SERINC5: variants seen among roughly 807,000 people sequenced by gnomAD.
SERINC5 encodes the protein serine incorporator 5.
SERINC5 carries 41 observed loss-of-function variants against 63.1 expected under a neutral mutation model. The observed-to-expected ratio is 0.65, with a 90% CI of 0.51 to 0.84. The LOEUF (loss-of-function observed/expected upper bound fraction) is 0.84. Ranked by LOEUF, SERINC5 falls within the 40% of genes least tolerant of loss-of-function variation. SERINC5 has a pLI of 0.00. For synonymous variants in SERINC5, 222 were observed against 215.2 expected (o/e 1.03, Z -0.28); for missense variants, 523 against 573.0 (o/e 0.91, Z 0.89).
chr5:80,121,570 A>G (rs1327862975), intron 11 of SERINC5, among the ~76,000 whole-genome samples: 1 of 152,068 alleles, frequency 6.6e-6, no homozygotes, highest in Non-Finnish European at 1.5e-5. Context: ...TATATCATAC[A>G]CTTTTGGGAT....
intron 2 of SERINC5, among the ~76,000 whole-genome samples, chr5:80,188,463 G>A (rs1400903737): frequency 1.3e-5 from 2 of 151,962 alleles, no homozygotes; most frequent in African/African-American, 4.8e-5. Flanking sequence ...CTTCCCTAGA[G>A]GTGCCACTGT....
chr5:80,142,955 C>G lies in SERINC5; in HGVS notation c.*708G>C, dbSNP rs149563545. On this transcript the variant is annotated 3_prime_UTR_variant, in exon 12 of 12. Transcript: ENST00000507668. ...TAGTGATAATAAGGTGGGGAACCAC[C>G]TGGGGGGTGATCAGACAAATTGTGC... 21 of 985,418 alleles carry G rather than the reference C, an allele frequency of 2.1e-5. No homozygotes were observed. In the African/African-American group the frequency reaches 2.4e-4, roughly 11 times the overall value. The allele number at this position is 985,418 out of a possible 1,614,324, so 61.0% of individuals were successfully genotyped here.
intron 1 of SERINC5, among the ~76,000 whole-genome samples, chr5:80,217,100 T>A (rs1049659810): frequency 6.8e-6 from 1 of 146,892 alleles, no homozygotes; most frequent in Non-Finnish European, 1.5e-5. Flanking sequence ...AATTTTTAAT[T>A]TTAATTTTTT....
intron 1 of SERINC5, among the ~76,000 whole-genome samples, chr5:80,232,023 G>T (rs1327676067): frequency 6.8e-6 from 1 of 147,392 alleles, no homozygotes; most frequent in Non-Finnish European, 1.5e-5. Context: ...GATCACTTCA[G>T]CCTGAGGGTT....
chr5:80,164,196 T>C (rs1747120677), intron 7 of SERINC5, among the ~76,000 whole-genome samples: 1 of 152,118 alleles, frequency 6.6e-6, no homozygotes, highest in Admixed American at 6.6e-5. Context: ...TATTGTGATT[T>C]TTCCTTTTTC....
chr5:80,207,565 G>C (rs1045134934), intron 1 of SERINC5, among the ~76,000 whole-genome samples: 1 of 152,080 alleles, frequency 6.6e-6, no homozygotes, highest in East Asian at 1.9e-4. Context: ...AAGCCCTATT[G>C]GTTTAACCCT....
intron 7 of SERINC5, among the ~76,000 whole-genome samples, chr5:80,160,176 G>T (rs927589667): frequency 2.0e-5 from 3 of 152,138 alleles, no homozygotes; most frequent in African/African-American, 7.2e-5. Context: ...TTGGATTGGA[G>T]GACACCCAAC....
chr5:80,200,151 C>G (rs199540121), intron 2 of SERINC5, among the ~76,000 whole-genome samples: 2 of 151,564 alleles, frequency 1.3e-5, no homozygotes, highest in African/African-American at 4.9e-5. Flanking sequence ...GAGCGAGACT[C>G]GTAATTTCTG....
At chr5:80,202,832 A>G (rs1749925348) in intron 2 of SERINC5, 54 bp downstream of exon 2, 1 of 1,542,826 alleles carries the variant, frequency 6.5e-7, no homozygotes, top group African/African-American at 1.4e-5. Flanking sequence ...TGTTTTTCCC[A>G]CACACCCTCA....
intron 12 of SERINC5, among the ~76,000 whole-genome samples, chr5:80,112,826 T>C (rs1406983786): frequency 6.6e-6 from 1 of 152,084 alleles, no homozygotes; most frequent in Non-Finnish European, 1.5e-5. Flanking sequence ...TAGCTGGGCA[T>C]GGTGGTGCAC....
chr5:80,221,815 C>T (rs1349978745), intron 1 of SERINC5, among the ~76,000 whole-genome samples: 1 of 147,984 alleles, frequency 6.8e-6, no homozygotes, highest in South Asian at 2.1e-4. Flanking sequence ...AATCAATGAA[C>T]ATCAAAAGAA....
Position 80,141,696 on chromosome 5 carries a change from G to A in SERINC5, c.*1967C>T, listed in dbSNP as rs192207081. On this transcript the variant is annotated 3_prime_UTR_variant, in exon 12 of 12. Transcript: ENST00000507668. Reference sequence around the variant, plus strand: ...CTCCCTGAGCCCATTCCTGGCCCACGGAACTCCTGTCCCCTAACTGATTCC... The same window carrying A: ...CTCCCTGAGCCCATTCCTGGCCCACAGAACTCCTGTCCCCTAACTGATTCC... 12 of 985,522 alleles carry A rather than the reference G, an allele frequency of 1.2e-5. No homozygotes were observed. The South Asian group carries it at 1.4e-4, about 12-fold the overall frequency. 61.0% of individuals were successfully genotyped at this position (985,522 alleles called of 1,614,324 possible).
chr5:80,143,038 TGCAG>T lies in SERINC5; in HGVS notation c.*621_*624del. 2 of 985,336 alleles carry T rather than the reference TGCAG, an allele frequency of 2.0e-6. No homozygotes were observed. Among genetic ancestry groups the T allele is most frequent in the Non-Finnish European group, 2.4e-6 (2 of 829,974 alleles). The allele number at this position is 985,336 out of a possible 1,614,324, so 61.0% of individuals were successfully genotyped here. A position where few individuals can be genotyped will look rare whatever the true frequency, so the allele number is the denominator to read the frequency against. ...GAAAAGATGAGACCTCGGGGAAGGG[TGCAG>T]GCAGAGAGTGAAGTCTGTGATTCCC... is the stretch of plus-strand genomic sequence containing the variant. On this transcript the variant is annotated 3_prime_UTR_variant, in exon 12 of 12. Transcript: ENST00000507668.
At chr5:80,146,363 G>T in intron 10 of SERINC5, 129 bp from the exon 11 acceptor site, 2 of 1,067,906 alleles carry the variant, frequency 1.9e-6, no homozygotes, top group Non-Finnish European at 2.7e-6. Flanking sequence ...GTACCCTCTG[G>T]CAACTTCAAT....
intron 2 of SERINC5, among the ~76,000 whole-genome samples, chr5:80,185,565 A>G (rs1287598844): frequency 2.6e-5 from 4 of 152,166 alleles, no homozygotes; most frequent in Non-Finnish European, 5.9e-5. Flanking sequence ...AAAGCTTTTA[A>G]TCACCTGGGT....
Position 80,143,569 on chromosome 5 carries a change from G to T in SERINC5, c.*94C>A. ...TCAAAGCTTTTTCAGACCCACTCAG[G>T]CACAGGGCGCCAGTCCCTGCCCCGG... On this transcript the variant is annotated 3_prime_UTR_variant, in exon 12 of 12. Transcript: ENST00000507668. The T allele has an allele frequency of 7.1e-7, 1 of 1,414,898 alleles. No homozygotes were observed. The highest frequency in any genetic ancestry group is 2.6e-5 in the East Asian group (1 of 38,004). The allele number at this position is 1,414,898 out of a possible 1,614,324, so 87.6% of individuals were successfully genotyped here.
intron 2 of SERINC5, among the ~76,000 whole-genome samples, chr5:80,181,425 T>TGTG (rs1305067188): frequency 5.9e-5 from 8 of 135,142 alleles, no homozygotes; most frequent in Non-Finnish European, 1.2e-4. Flanking sequence ...TTTGTGTGTG[T>TGTG]GTGTGTGTGT....
intron 1 of SERINC5, among the ~76,000 whole-genome samples, chr5:80,238,859 T>C (rs368293880): frequency 6.6e-6 from 1 of 150,604 alleles, no homozygotes; most frequent in East Asian, 2.0e-4. Flanking sequence ...TTAAAATCCA[T>C]AGCTATGAGC....
chr5:80,253,847 C>T (rs1580228643), intron 1 of SERINC5, among the ~76,000 whole-genome samples: 1 of 152,208 alleles, frequency 6.6e-6, no homozygotes, highest in African/African-American at 2.4e-5. Context: ...GACTATATAG[C>T]AGGCTCCTGG....
Sources: gnomAD v4.1 joint callset for allele counts (sites outside exome capture counted in the v4.1 genomes callset) on GRCh38, gnomAD v4.1.1 for gene constraint, MANE v1.5 for transcripts, NCBI Gene and HGNC (gene_info 2026-07-23, HGNC 2026-07-21) for gene names.